AVEN: variants seen among roughly 807,000 people sequenced by gnomAD.
The protein encoded by AVEN is cell death regulator Aven.
Under a neutral mutation model 38.1 loss-of-function variants are expected in AVEN, and 41 were observed. The observed-to-expected ratio is 1.08, with a 90% CI of 0.84 to 1.40. The LOEUF is 1.40. AVEN is among the 40% of genes most tolerant of loss of function. AVEN has a pLI of 0.00. For synonymous variants in AVEN, 206 were observed against 171.8 expected (o/e 1.20, Z -1.56); for missense variants, 605 against 438.8 (o/e 1.38, Z -3.38).
intron 5 of AVEN, among the ~76,000 whole-genome samples, chr15:34,055,584 G>T (rs989470758): frequency 6.6e-6 from 1 of 151,946 alleles, no homozygotes; most frequent in Non-Finnish European, 1.5e-5. Context: ...GGCGGATCAT[G>T]AGGTCAGGAG....
intron 5 of AVEN, among the ~76,000 whole-genome samples, chr15:34,054,538 G>A (rs1900055831): frequency 6.6e-6 from 1 of 152,154 alleles, no homozygotes; most frequent in Admixed American, 6.6e-5. Context: ...GACATAGATG[G>A]AGTTGGAAGC....
At chr15:33,998,395 G>C (rs1425644088) in intron 2 of AVEN, among the ~76,000 whole-genome samples, 1 of 152,102 alleles carries the variant, frequency 6.6e-6, no homozygotes, top group African/African-American at 2.4e-5. Flanking sequence ...GGAAGCCAAG[G>C]CAGGATTGTT....
At chr15:34,048,031 G>A (rs1298736650) in intron 5 of AVEN, among the ~76,000 whole-genome samples, 2 of 115,620 alleles carry the variant, frequency 1.7e-5, no homozygotes, top group South Asian at 5.6e-4. Flanking sequence ...TCGTGTGTGT[G>A]TGTGTTTGTG....
intron 11 of AVEN, chr15:33,860,948 T>TGAATGACTAATAGCCAAAAGCATTAGAAA: frequency 2.7e-6 from 2 of 742,294 alleles, no homozygotes; most frequent in Non-Finnish European, 4.6e-6. Flanking sequence ...CACTACTGAG[T>TGAATGACTAATAGCCAAAAGCATTAGAAA]GAATGACTAA....
Position 33,859,552 on chromosome 15 carries a change from T to TC in AVEN, n.2730-459dup, listed in dbSNP as rs751668198. 3.1e-6 allele frequency: 5 copies of TC among 1,613,192 alleles called. No homozygotes were observed. The East Asian group carries it at 6.7e-5, about 22-fold the overall frequency. Reference sequence around the variant, plus strand: ...AACAGAACTGTGACTTTTGCCTAAATCCCCCTTATTTTTCTTCTCTAGTGT... The same window carrying TC: ...AACAGAACTGTGACTTTTGCCTAAATCCCCCCTTATTTTTCTTCTCTAGTGT... On this transcript the variant is annotated intron_variant and non_coding_transcript_variant, in intron 11 of 11. Coordinates refer to the AVEN transcript ENST00000675287.
chr15:34,028,841 A>T (rs1304414415), intron 1 of AVEN, among the ~76,000 whole-genome samples: 6 of 152,032 alleles, frequency 3.9e-5, no homozygotes, highest in Non-Finnish European at 7.4e-5. Context: ...CACCACCATC[A>T]TCGGCCACCA....
intron 2 of AVEN, among the ~76,000 whole-genome samples, chr15:33,881,615 C>T (rs191523369): frequency 4.1e-4 from 62 of 152,298 alleles, no homozygotes; most frequent in African/African-American, 1.4e-3. Flanking sequence ...AATCCTAGAA[C>T]TAAAAGTCTT....
intron 2 of AVEN, among the ~76,000 whole-genome samples, chr15:33,984,020 A>C (rs1243455338): frequency 6.6e-6 from 1 of 152,156 alleles, no homozygotes; most frequent in Non-Finnish European, 1.5e-5. Context: ...AAAGACTGAG[A>C]AACTGTCACA....
At chr15:33,982,278 C>T (rs1462565679) in intron 2 of AVEN, among the ~76,000 whole-genome samples, 1 of 152,020 alleles carries the variant, frequency 6.6e-6, no homozygotes, top group African/African-American at 2.4e-5. Context: ...CAGAGGTTGG[C>T]CCTAATGCAT....
intron 2 of AVEN, among the ~76,000 whole-genome samples, chr15:33,940,676 G>C (rs1396129708): frequency 6.6e-6 from 1 of 151,978 alleles, no homozygotes; most frequent in African/African-American, 2.4e-5. Context: ...CGAGTAGCTG[G>C]GACAACAGGC....
Position 33,877,540 on chromosome 15 carries a change from C to T in AVEN, c.446-1545G>A, listed in dbSNP as rs552841034. Among the ~76,000 whole-genome samples the T allele has an allele frequency of 2.6e-5, 4 of 152,314 alleles. No individual in the cohort carries two copies. In the South Asian group the frequency reaches 8.3e-4, roughly 32 times the overall value. On this transcript the variant is annotated intron_variant, in intron 2 of 5. Coordinates refer to ENST00000306730, the MANE Select transcript of AVEN (RefSeq NM_020371.3). ...AGTGAGAAAACAAAAGGGGGCCGGG[C>T]GCGGTGGCTCACGCCTACAATCCCA... is the stretch of plus-strand genomic sequence containing the variant.
intron 2 of AVEN, among the ~76,000 whole-genome samples, chr15:33,942,133 TTAAA>T (rs143353629): frequency 7.9e-4 from 120 of 152,340 alleles, no homozygotes; most frequent in African/African-American, 2.8e-3. Flanking sequence ...TCTGTCCTCA[TTAAA>T]TAAACTCAGT....
chr15:34,030,689 G>C (rs1458056229), intron 1 of AVEN, among the ~76,000 whole-genome samples: 2 of 151,964 alleles, frequency 1.3e-5, no homozygotes, highest in African/African-American at 4.8e-5. Flanking sequence ...AGTGATCATA[G>C]CTCACTGCAA....
chr15:33,883,005 A>G (rs1162668280), intron 2 of AVEN, among the ~76,000 whole-genome samples: 1 of 152,234 alleles, frequency 6.6e-6, no homozygotes, highest in East Asian at 1.9e-4. Flanking sequence ...CAATGCTTCA[A>G]TTTCTAGGAT....
downstream of AVEN, among the ~76,000 whole-genome samples, chr15:33,855,292 G>C (rs558738450): frequency 2.0e-5 from 3 of 152,132 alleles, no homozygotes; most frequent in Admixed American, 6.5e-5. Flanking sequence ...CCGACTCCCA[G>C]GTCCCAGTTC....
intron 2 of AVEN, among the ~76,000 whole-genome samples, chr15:33,913,597 G>A (rs1344167759): frequency 6.6e-6 from 1 of 152,188 alleles, no homozygotes; most frequent in Non-Finnish European, 1.5e-5. Flanking sequence ...CCTAGGATGA[G>A]ATCTAATGCC....
chr15:33,886,142 A>ATC (rs1891689449), intron 2 of AVEN, among the ~76,000 whole-genome samples: 1 of 151,054 alleles, frequency 6.6e-6, no homozygotes, highest in South Asian at 2.1e-4. Context: ...AAAAGATTCT[A>ATC]TCTCTGTTGA....
At chr15:33,892,927 G>A (rs1448982049) in intron 2 of AVEN, among the ~76,000 whole-genome samples, 2 of 152,118 alleles carry the variant, frequency 1.3e-5, no homozygotes, top group African/African-American at 4.8e-5. Context: ...TCTCCTTGAA[G>A]AGGTCCTTCA....
intron 5 of AVEN, among the ~76,000 whole-genome samples, chr15:34,056,384 T>G (rs1191910979): frequency 6.6e-6 from 1 of 152,194 alleles, no homozygotes. Context: ...ATTTCCCAAA[T>G]GTGATTCATG....
Sources: allele counts gnomAD v4.1 joint callset (sites outside exome capture counted in the v4.1 genomes callset), GRCh38; gene constraint gnomAD v4.1.1; transcripts MANE v1.5; gene names NCBI Gene and HGNC (gene_info 2026-07-23, HGNC 2026-07-21).